ME1: variants seen among roughly 807,000 people sequenced by gnomAD.
ME1 encodes malic enzyme 1, also known as NADP-dependent malic enzyme.
ME1 carries 74 observed loss-of-function variants against 66.4 expected under a neutral mutation model. That is an observed-to-expected ratio of 1.11 (90% CI 0.92 to 1.35). ME1 has a LOEUF of 1.35. Among genes scored for constraint, ME1 ranks in the 40% most tolerant of loss-of-function variants. The pLI is 0.00. For missense variants in ME1, 750 were observed against 694.1 expected, an observed-to-expected ratio of 1.08 and a Z score of -0.90; for synonymous variants, 251 against 235.6, an observed-to-expected ratio of 1.07 and a Z score of -0.60.
chr6:83,239,222 T>G (rs1402016176), intron 8 of ME1, among the ~76,000 whole-genome samples: 2 of 152,016 alleles, frequency 1.3e-5, no homozygotes, highest in Non-Finnish European at 2.9e-5. Context: ...CCAGCTTAAA[T>G]ACATAAAAGC....
At chr6:83,412,540 G>A (rs1221657858) in intron 1 of ME1, among the ~76,000 whole-genome samples, 1 of 152,118 alleles carries the variant, frequency 6.6e-6, no homozygotes, top group Non-Finnish European at 1.5e-5. Context: ...AATAAGGAAG[G>A]TTAAAAATGG....
intron 6 of ME1, among the ~76,000 whole-genome samples, chr6:83,294,061 C>T (rs992335556): frequency 2.6e-5 from 4 of 152,128 alleles, no homozygotes; most frequent in African/African-American, 9.7e-5. Context: ...CAGAAAACAA[C>T]ATAAATGTTT....
intron 5 of ME1, among the ~76,000 whole-genome samples, chr6:83,342,988 T>A (rs566940619): frequency 3.3e-5 from 5 of 152,318 alleles, no homozygotes; most frequent in African/African-American, 1.2e-4. Flanking sequence ...CCGGCCACCT[T>A]GCGTTATCAT....
intron 3 of ME1, among the ~76,000 whole-genome samples, chr6:83,365,476 A>G (rs1227328662): frequency 6.6e-6 from 1 of 152,222 alleles, no homozygotes; most frequent in Non-Finnish European, 1.5e-5. Flanking sequence ...ATGAAAGAGC[A>G]TGATGCAGAG....
At position 83,375,159 on chromosome 6, in the gene ME1, G is replaced by A. The variant is rs143341230; in HGVS notation, c.363-23020C>T. ...TGTCAATGGTAGTTTGATGGGAATA[G>A]CATTGAATCTATAAATTACTTTGGG... On this transcript the variant is annotated intron_variant, in intron 3 of 13. Coordinates refer to ENST00000369705, the MANE Select transcript of ME1 (RefSeq NM_002395.6). 7.1e-3 allele frequency among the ~76,000 whole-genome samples: 1,078 copies of A among 152,042 alleles called. 9 individuals carry two copies. Among genetic ancestry groups the A allele is most frequent in the African/African-American group, 0.024 (1,009 of 41,402 alleles).
intron 1 of ME1, among the ~76,000 whole-genome samples, chr6:83,416,550 ATT>A (rs1162994916): frequency 6.6e-6 from 1 of 152,162 alleles, no homozygotes; most frequent in Non-Finnish European, 1.5e-5. Context: ...ACTCTATGAG[ATT>A]TAGTATTTCC....
At chr6:83,237,408 A>AAAAGAAAG (rs57545235) in intron 9 of ME1, among the ~76,000 whole-genome samples, 23 of 84,908 alleles carry the variant, frequency 2.7e-4, no homozygotes, top group African/African-American at 1.2e-3. Context: ...GAAAGAAAGA[A>AAAAGAAAG]AAAGAAAGAA....
chr6:83,417,527 C>T (rs972776673), intron 1 of ME1, among the ~76,000 whole-genome samples: 1 of 152,046 alleles, frequency 6.6e-6, no homozygotes, highest in African/African-American at 2.4e-5. Context: ...ACTACAGGCG[C>T]GTGCCACCAT....
At chr6:83,365,417 C>T (rs3778203) in intron 3 of ME1, among the ~76,000 whole-genome samples, 3,764 of 152,226 alleles carry the variant, frequency 0.025, 158 homozygotes, top group East Asian at 0.16. Flanking sequence ...CTTAACCCTG[C>T]CCAGTCTTCA....
At chr6:83,317,058 G>A (rs983277670) in intron 5 of ME1, among the ~76,000 whole-genome samples, 32 of 152,122 alleles carry the variant, frequency 2.1e-4, no homozygotes, top group African/African-American at 7.7e-4. Flanking sequence ...CAGGCAGAAT[G>A]CTGACTTGGC....
At chr6:83,406,969 C>CAT (rs1241164744) in intron 2 of ME1, among the ~76,000 whole-genome samples, 1 of 132,092 alleles carries the variant, frequency 7.6e-6, no homozygotes, top group Non-Finnish European at 1.6e-5. Flanking sequence ...TATTTTCATT[C>CAT]ATACACACAC....
chr6:83,308,373 A>T (rs193091204), intron 6 of ME1, among the ~76,000 whole-genome samples: 16 of 151,858 alleles, frequency 1.1e-4, no homozygotes, highest in South Asian at 2.1e-4. Flanking sequence ...TTTTGTTCTC[A>T]TTTAGTTAAT....
intron 6 of ME1, among the ~76,000 whole-genome samples, chr6:83,301,990 T>C (rs1424987016): frequency 1.3e-5 from 2 of 152,106 alleles, no homozygotes; most frequent in Non-Finnish European, 2.9e-5. Flanking sequence ...TAAAGACACA[T>C]GCACATGCAC....
At chr6:83,310,871 A>G (rs753566901) in intron 6 of ME1, among the ~76,000 whole-genome samples, 2 of 152,168 alleles carry the variant, frequency 1.3e-5, no homozygotes, top group Non-Finnish European at 2.9e-5. Context: ...GTCCAGAAAC[A>G]GGGCTCAATC....
intron 1 of ME1, among the ~76,000 whole-genome samples, chr6:83,417,529 T>C (rs1770185940): frequency 6.6e-6 from 1 of 152,070 alleles, no homozygotes; most frequent in African/African-American, 2.4e-5. Context: ...TACAGGCGCG[T>C]GCCACCATGC....
chr6:83,277,251 T>C (rs1037135835), intron 6 of ME1, among the ~76,000 whole-genome samples: 2 of 152,254 alleles, frequency 1.3e-5, no homozygotes, highest in Non-Finnish European at 2.9e-5. Context: ...TCATATTCAC[T>C]GTCTATAAGT....
chr6:83,271,356 G>A (rs535430304), intron 6 of ME1, among the ~76,000 whole-genome samples: 1 of 152,190 alleles, frequency 6.6e-6, no homozygotes, highest in Non-Finnish European at 1.5e-5. Flanking sequence ...GAAAAGAGCT[G>A]TGTGGCAGTT....
chr6:83,273,105 A>C (rs1458321279), intron 6 of ME1, among the ~76,000 whole-genome samples: 3 of 147,230 alleles, frequency 2.0e-5, no homozygotes, highest in African/African-American at 7.6e-5. Context: ...TGAACCCAGG[A>C]GATGGAGGCT....
intron 5 of ME1, among the ~76,000 whole-genome samples, chr6:83,324,515 C>T (rs560130641): frequency 2.0e-5 from 3 of 151,886 alleles, no homozygotes; most frequent in Non-Finnish European, 2.9e-5. Context: ...CACCACTGAT[C>T]CCACAGAAAT....
Sources: gnomAD v4.1 joint callset for allele counts (sites outside exome capture counted in the v4.1 genomes callset) on GRCh38, gnomAD v4.1.1 for gene constraint, MANE v1.5 for transcripts, NCBI Gene and HGNC (gene_info 2026-07-23, HGNC 2026-07-21) for gene names.